The following ATF6 variants were observed in gnomAD, a reference collection of about 807,000 sequenced individuals.
ATF6 encodes the protein activating transcription factor 6, also known as cyclic AMP-dependent transcription factor ATF-6 alpha.
Under a neutral mutation model 83.6 loss-of-function variants are expected in ATF6, and 53 were observed. That is an observed-to-expected ratio of 0.63 (90% CI 0.51 to 0.80). The LOEUF is 0.80. Among genes scored for constraint, ATF6 ranks in the 30% least tolerant of loss-of-function variants. ATF6 has a pLI of 0.00. For synonymous variants in ATF6, 288 were observed against 285.8 expected (o/e 1.01, Z -0.08); for missense variants, 744 against 797.9 (o/e 0.93, Z 0.81).
chr1:161,890,589 A>G (rs979007683), intron 14 of ATF6, among the ~76,000 whole-genome samples: 2 of 152,248 alleles, frequency 1.3e-5, no homozygotes, highest in Non-Finnish European at 2.9e-5. Flanking sequence ...CCCGCCAGCC[A>G]GGCCGCCAGG....
intron 9 of ATF6, among the ~76,000 whole-genome samples, chr1:161,845,085 C>T (rs1686449515): frequency 6.6e-6 from 1 of 152,188 alleles, no homozygotes; most frequent in African/African-American, 2.4e-5. Context: ...GTGAGAATCA[C>T]TGGGTAGCAA....
chr1:161,814,793 A>G (rs1426707322), intron 7 of ATF6, among the ~76,000 whole-genome samples: 1 of 152,230 alleles, frequency 6.6e-6, no homozygotes, highest in African/African-American at 2.4e-5. Flanking sequence ...AATCAAATTA[A>G]GTTTTTTAAT....
At chr1:161,875,246 C>T (rs1687187598) in intron 14 of ATF6, among the ~76,000 whole-genome samples, 1 of 151,716 alleles carries the variant, frequency 6.6e-6, no homozygotes, top group Non-Finnish European at 1.5e-5. Flanking sequence ...TTTGATGCTA[C>T]ACCAAAATGC....
intron 15 of ATF6, among the ~76,000 whole-genome samples, chr1:161,920,538 C>T (rs921799093): frequency 1.3e-5 from 2 of 152,006 alleles, no homozygotes; most frequent in Non-Finnish European, 2.9e-5. Context: ...TCATGATCTG[C>T]CCGCCTCGGC....
At chr1:161,954,577 G>A (rs1032125494) in intron 15 of ATF6, among the ~76,000 whole-genome samples, 2 of 152,172 alleles carry the variant, frequency 1.3e-5, no homozygotes, top group African/African-American at 4.8e-5. Context: ...TCTGGCTAGT[G>A]TGTTAGTCAT....
intron 12 of ATF6, among the ~76,000 whole-genome samples, chr1:161,859,343 G>A (rs559492333): frequency 3.3e-5 from 5 of 152,068 alleles, no homozygotes; most frequent in Admixed American, 6.5e-5. Context: ...AGCGCTTATC[G>A]CATTGTATTG....
intron 7 of ATF6, among the ~76,000 whole-genome samples, chr1:161,817,219 C>T (rs1685633497): frequency 6.6e-6 from 1 of 152,114 alleles, no homozygotes; most frequent in African/African-American, 2.4e-5. Context: ...AAATGGTATG[C>T]CATCTGTAAG....
intron 15 of ATF6, among the ~76,000 whole-genome samples, chr1:161,942,330 A>G (rs957482664): frequency 1.3e-5 from 2 of 152,206 alleles, no homozygotes; most frequent in African/African-American, 2.4e-5. Flanking sequence ...AGTGGAAGGT[A>G]AGGGCTAGAC....
intron 3 of ATF6, 58 bp downstream of exon 3, chr1:161,782,057 G>T (rs1684644091): frequency 7.9e-7 from 1 of 1,266,142 alleles, no homozygotes; most frequent in Admixed American, 2.1e-5. Context: ...TTTGTAGTTT[G>T]GTCATACTCA....
At chr1:161,786,329 A>G (rs1245134017) in intron 4 of ATF6, among the ~76,000 whole-genome samples, 2 of 151,936 alleles carry the variant, frequency 1.3e-5, no homozygotes, top group Non-Finnish European at 2.9e-5. Flanking sequence ...TCTCTTTAAT[A>G]TTTTAGGTGC....
intron 7 of ATF6, among the ~76,000 whole-genome samples, chr1:161,809,570 G>A (rs1187414522): frequency 6.6e-6 from 1 of 151,726 alleles, no homozygotes; most frequent in Admixed American, 6.6e-5. Flanking sequence ...GTAATGGGAT[G>A]GTTGGGTCAA....
rs12042663 is a variant in ATF6, at chr1:161,857,674, A to T, written c.1534-2533A>T. On this transcript the variant is annotated intron_variant, in intron 12 of 15. Transcript: ENST00000367942. Reference sequence around the variant, plus strand: ...TTGGGTAAAAAGAACAGGACTTTTTAAAAAGAAACTATATTTATCTTATGT... The same window carrying T: ...TTGGGTAAAAAGAACAGGACTTTTTTAAAAGAAACTATATTTATCTTATGT... Among the ~76,000 whole-genome samples the T allele has an allele frequency of 7.5e-3, 1,147 of 152,260 alleles. 124 individuals carry two copies. In the East Asian group the frequency reaches 0.2, roughly 27 times the overall value.
chr1:161,799,911 G>T (rs1200674312), intron 6 of ATF6, among the ~76,000 whole-genome samples: 1 of 152,060 alleles, frequency 6.6e-6, no homozygotes, highest in African/African-American at 2.4e-5. Flanking sequence ...AGTTTTACAT[G>T]GGTCAACCTG....
chr1:161,838,768 G>A (rs142639361), intron 9 of ATF6, among the ~76,000 whole-genome samples: 47 of 152,308 alleles, frequency 3.1e-4, no homozygotes, highest in Middle Eastern at 3.4e-3. Context: ...CCACTGTAAA[G>A]TGCAGGTTTC....
intron 15 of ATF6, among the ~76,000 whole-genome samples, chr1:161,920,287 T>TCG (rs1288911578): frequency 1.2e-5 from 1 of 82,944 alleles, no homozygotes; most frequent in Non-Finnish European, 2.3e-5. Flanking sequence ...TTTCTCTCTC[T>TCG]CTCTCTCTTT....
chr1:161,863,105 C>A (rs1038744997), intron 13 of ATF6, 93 bp from the exon 14 acceptor site: 2 of 664,014 alleles, frequency 3.0e-6, no homozygotes, highest in Non-Finnish European at 5.0e-6. Context: ...GAGAGAGATT[C>A]TTAGAATTCA....
At chr1:161,955,826 G>T (rs989722182) in intron 15 of ATF6, among the ~76,000 whole-genome samples, 1 of 152,144 alleles carries the variant, frequency 6.6e-6, no homozygotes, top group African/African-American at 2.4e-5. Flanking sequence ...TTCTAGCAAT[G>T]CTGATAGTTT....
chr1:161,877,321 T>C (rs186941331), intron 14 of ATF6, among the ~76,000 whole-genome samples: 67 of 152,166 alleles, frequency 4.4e-4, no homozygotes, highest in African/African-American at 1.6e-3. Flanking sequence ...TTGACAGATA[T>C]AGTAAGCATG....
intron 12 of ATF6, among the ~76,000 whole-genome samples, chr1:161,857,838 A>T (rs1255132242): frequency 1.3e-5 from 2 of 152,196 alleles, no homozygotes; most frequent in African/African-American, 4.8e-5. Flanking sequence ...AAATGGAATA[A>T]TACTCTTAAT....
Sources: gnomAD v4.1 joint callset for allele counts (sites outside exome capture counted in the v4.1 genomes callset) on GRCh38, gnomAD v4.1.1 for gene constraint, MANE v1.5 for transcripts, NCBI Gene and HGNC (gene_info 2026-07-23, HGNC 2026-07-21) for gene names.